Variants in LSM5 observed in about 807,000 individuals in gnomAD.
LSM5 encodes the protein U6 snRNA-associated Sm-like protein LSm5.
LSM5 carries 8 observed loss-of-function variants against 13.8 expected under a neutral mutation model. That is an observed-to-expected ratio of 0.58 (90% confidence interval 0.34 to 1.04). The LOEUF (loss-of-function observed/expected upper bound fraction) is 1.04, where lower values mean the gene tolerates loss of function less well. Among genes scored for constraint, LSM5 ranks in the 50% least tolerant of loss-of-function variants. The probability of loss-of-function intolerance (pLI) is 0.03; values close to 1 mark genes in which losing one functional copy is unlikely to be tolerated. For synonymous variants in LSM5, 35 were observed against 37.0 expected (o/e 0.95, Z 0.20); for missense variants, 80 against 108.1 (o/e 0.74, Z 1.15).
upstream of LSM5, among the ~76,000 whole-genome samples, chr7:32,493,702 G>T (rs1262930785): frequency 2.0e-5 from 3 of 149,778 alleles, no homozygotes; most frequent in Non-Finnish European, 4.4e-5. Context: ...CACCATGCCT[G>T]GCTAATTTTT....
chr7:32,487,955 C>A (rs1786487058), intron 3 of LSM5, 198 bp from the exon 4 acceptor site: 1 of 520,932 alleles, frequency 1.9e-6, no homozygotes, highest in Non-Finnish European at 3.5e-6. Flanking sequence ...AATGAACTCA[C>A]TGACACTAAG....
At position 32,485,530 on chromosome 7, in the gene LSM5, T is replaced by A. The variant is rs1786417598; in HGVS notation, c.*1731A>T. 6.6e-6 allele frequency: 1 copy of A among 152,168 alleles called. No individual in the cohort carries two copies. Among genetic ancestry groups the A allele is most frequent in the South Asian group, 2.1e-4 (1 of 4,834 alleles). 9.4% of individuals were successfully genotyped at this position (152,168 alleles called of 1,614,324 possible). On this transcript the variant is annotated 3_prime_UTR_variant, in exon 5 of 5. Coordinates refer to ENST00000450169, the MANE Select transcript of LSM5 (RefSeq NM_012322.3). ...ATGACTAACAGAAACCCATCAAGAA[T>A]TCTTACAAATTAGTAAGAAAAAGAC...
chr7:32,487,942 C>T (rs1251394344), intron 3 of LSM5, 185 bp from the exon 4 acceptor site: 1 of 533,696 alleles, frequency 1.9e-6, no homozygotes. Flanking sequence ...TTAAAAGCAG[C>T]AGAATGAACT....
rs141789060 is a variant in LSM5 at position 32,489,304 on chromosome 7, C to G, written c.87G>C (p.Val29=). The change falls in exon 2 of 5, where the codon GTG becomes GTC. Residue 29 remains valine, a synonymous_variant. Transcript: ENST00000450169. ...CAACAATTTCCTTATCACTCTTCAT[C>G]ACGATGTGAATTCTTGATCCTATAC... ...DKCIGSRIHI[V]MKSDKEIVGT... is the part of the protein sequence containing the mutation. The G allele has an allele frequency of 6.9e-5, 111 of 1,608,858 alleles. No individual in the cohort carries two copies. The highest frequency in any genetic ancestry group is 9.3e-5 in the Non-Finnish European group (109 of 1,176,642).
At chr7:32,493,905 G>A (rs1408007250), upstream of LSM5, among the ~76,000 whole-genome samples, 1 of 150,296 alleles carries the variant, frequency 6.7e-6, no homozygotes, top group Non-Finnish European at 1.5e-5. Flanking sequence ...AGGCTGAAGT[G>A]CGATGGTGCA....
intron 2 of LSM5, 152 bp downstream of exon 2, chr7:32,489,097 G>A (rs1475153157): frequency 1.6e-5 from 9 of 567,368 alleles, no homozygotes; most frequent in South Asian, 1.2e-4. Context: ...GAACTTTACC[G>A]TCTTTCAATA....
chr7:32,487,898 T>C (rs1786485658), intron 3 of LSM5, 141 bp from the exon 4 acceptor site: 2 of 587,978 alleles, frequency 3.4e-6, no homozygotes, highest in Non-Finnish European at 6.1e-6. Flanking sequence ...AATTTTCAGA[T>C]ACAAAGGTTA....
upstream of LSM5, among the ~76,000 whole-genome samples, chr7:32,494,114 C>T (rs933294545): frequency 5.3e-5 from 8 of 152,252 alleles, no homozygotes; most frequent in Non-Finnish European, 1.2e-4. Flanking sequence ...GGATTACAGG[C>T]GTGAGCCACC....
At chr7:32,492,307 G>A (rs969300259), upstream of LSM5, among the ~76,000 whole-genome samples, 2 of 152,164 alleles carry the variant, frequency 1.3e-5, no homozygotes, top group Admixed American at 1.3e-4. Flanking sequence ...GGCGGATCAC[G>A]AGGTCAAGAC....
At chr7:32,488,381 T>C in intron 3 of LSM5, 1 of 417,650 alleles carries the variant, frequency 2.4e-6, no homozygotes. Flanking sequence ...AACCCTAAAA[T>C]TCCTGGCTCT....
Position 32,486,878 on chromosome 7 carries a change from C to T in LSM5, c.*383G>A. ...GTTGTTTAAATGCACCTGTTCAAAT[C>T]AAAGTTCATCATTTTGTTTGGAACA... On this transcript the variant is annotated 3_prime_UTR_variant, in exon 5 of 5. Transcript: ENST00000450169. The T allele has an allele frequency of 4.6e-6, 1 of 219,008 alleles. No individual in the cohort carries two copies. Among genetic ancestry groups the T allele is most frequent in the South Asian group, 7.2e-5 (1 of 13,798 alleles). The allele number at this position is 219,008 out of a possible 1,614,324, so 13.6% of individuals were successfully genotyped here. A position where few individuals can be genotyped will look rare whatever the true frequency, so the allele number is the denominator to read the frequency against.
In LSM5 at chr7:32,485,520, C is replaced by A. The variant is rs1027815455; in HGVS notation, c.*1741G>T. On this transcript the variant is annotated 3_prime_UTR_variant, in exon 5 of 5. Transcript: ENST00000450169. ...AGCAAAATACATGACTAACAGAAAC[C>A]CATCAAGAATTCTTACAAATTAGTA... is the stretch of plus-strand genomic sequence containing the variant. The A allele has an allele frequency of 6.6e-6, 1 of 152,088 alleles. No individual in the cohort carries two copies. Among genetic ancestry groups the A allele is most frequent in the Non-Finnish European group, 1.5e-5 (1 of 68,020 alleles). The allele number at this position is 152,088 out of a possible 1,614,324, so 9.4% of individuals were successfully genotyped here. A position where few individuals can be genotyped will look rare whatever the true frequency, so the allele number is the denominator to read the frequency against.
chr7:32,489,395 T>C (rs773551719), intron 1 of LSM5, 51 bp from the exon 2 acceptor site: 2 of 1,034,464 alleles, frequency 1.9e-6, no homozygotes, highest in South Asian at 2.7e-5. Flanking sequence ...AACAAATATT[T>C]GAGTGCCTAC....
At chr7:32,492,084 CT>C (rs767880386), upstream of LSM5, among the ~76,000 whole-genome samples, 313 of 152,262 alleles carry the variant, frequency 2.1e-3, no homozygotes, top group Non-Finnish European at 3.7e-3. Context: ...TTCTCTTTCT[CT>C]TTTTTTCTTT....
At chr7:32,492,615 G>C (rs1278580718), upstream of LSM5, among the ~76,000 whole-genome samples, 1 of 152,032 alleles carries the variant, frequency 6.6e-6, no homozygotes, top group African/African-American at 2.4e-5. Context: ...TCTGAAAAAA[G>C]GAACGATATA....
At chr7:32,488,846 C>T (rs1786508111) in intron 2 of LSM5, among the ~76,000 whole-genome samples, 194 bp from the exon 3 acceptor site, 2 of 152,210 alleles carry the variant, frequency 1.3e-5, no homozygotes, top group Admixed American at 1.3e-4. Flanking sequence ...GCCTTAGCCC[C>T]GGAGATTAGC....
At chr7:32,488,930 G>T (rs945907800) in intron 2 of LSM5, among the ~76,000 whole-genome samples, 2 of 152,070 alleles carry the variant, frequency 1.3e-5, no homozygotes, top group East Asian at 3.9e-4. Flanking sequence ...TCATCATCTT[G>T]CCCAGGCTGG....
upstream of LSM5, chr7:32,490,551 C>G (rs915562866): frequency 1.1e-5 from 7 of 610,110 alleles, no homozygotes; most frequent in Admixed American, 2.9e-5. Flanking sequence ...TATTTCCTGC[C>G]CACTGGACAT....
intron 1 of LSM5, 158 bp downstream of exon 1, chr7:32,490,162 T>A: frequency 6.5e-7 from 1 of 1,547,822 alleles, no homozygotes; most frequent in African/African-American, 1.4e-5. Context: ...AAAGAGCAGG[T>A]GCGGCCTGCT....
Sources: allele counts gnomAD v4.1 joint callset (sites outside exome capture counted in the v4.1 genomes callset), GRCh38; gene constraint gnomAD v4.1.1; transcripts MANE v1.5; gene names NCBI Gene and HGNC (gene_info 2026-07-23, HGNC 2026-07-21).